CD48: variants seen among roughly 807,000 people sequenced by gnomAD.
The protein encoded by CD48 is CD48 molecule.
Under a neutral mutation model 22.0 loss-of-function variants are expected in CD48, and 20 were observed. That is an observed-to-expected ratio of 0.91 (90% CI 0.64 to 1.32). The LOEUF (loss-of-function observed/expected upper bound fraction) is 1.32. Ranked by LOEUF, CD48 falls within the 40% of genes most tolerant of loss-of-function variation. CD48 has a pLI of 0.00. For synonymous variants in CD48, 110 were observed against 110.1 expected (o/e 1.00, Z 0.01); for missense variants, 307 against 286.5 (o/e 1.07, Z -0.52).
chr1:160,680,806 C>T (rs2102401672), intron 3 of CD48: 1 of 1,162,374 alleles, frequency 8.6e-7, no homozygotes, highest in African/African-American at 1.5e-5. Context: ...CCTTGGCTGA[C>T]TTCGGCTGTC....
At chr1:160,707,595 T>C (rs1662830785) in intron 1 of CD48, among the ~76,000 whole-genome samples, 1 of 152,154 alleles carries the variant, frequency 6.6e-6, no homozygotes, top group African/African-American at 2.4e-5. Context: ...TCCTGCCTAA[T>C]GGTCTCTAGT....
At chr1:160,705,662 A>G (rs1170264472) in intron 1 of CD48, among the ~76,000 whole-genome samples, 1 of 152,204 alleles carries the variant, frequency 6.6e-6, no homozygotes. Flanking sequence ...ATCACTAGAC[A>G]TATTCCAGAT....
chr1:160,684,581 A>G, intron 2 of CD48: 1 of 706,666 alleles, frequency 1.4e-6, no homozygotes, highest in Non-Finnish European at 2.3e-6. Flanking sequence ...AGATGAGCTG[A>G]GCTGATTTAG....
chr1:160,705,662 A>T (rs1170264472), intron 1 of CD48, among the ~76,000 whole-genome samples: 1 of 152,204 alleles, frequency 6.6e-6, no homozygotes, highest in Non-Finnish European at 1.5e-5. Context: ...ATCACTAGAC[A>T]TATTCCAGAT....
At chr1:160,702,451 C>T (rs1384001198) in intron 1 of CD48, among the ~76,000 whole-genome samples, 2 of 152,022 alleles carry the variant, frequency 1.3e-5, no homozygotes, top group Non-Finnish European at 2.9e-5. Flanking sequence ...TATTTGATGT[C>T]GGGTCCATCC....
intron 2 of CD48, among the ~76,000 whole-genome samples, chr1:160,682,706 C>G (rs1010877702): frequency 2.6e-5 from 4 of 152,164 alleles, no homozygotes; most frequent in Non-Finnish European, 5.9e-5. Context: ...TAAGATAAAA[C>G]GTCACCTGTC....
Position 160,681,156 on chromosome 1 carries a change from C to T in CD48, c.652+46G>A, listed in dbSNP as rs773539379. 5.0e-6 allele frequency: 8 copies of T among 1,613,932 alleles called. No individual in the cohort carries two copies. The East Asian group carries it at 8.9e-5, about 18-fold the overall frequency. On this transcript the variant is annotated intron_variant, in intron 3 of 3. Coordinates refer to ENST00000368046, the MANE Select transcript of CD48 (RefSeq NM_001778.4). The stretch of plus-strand genomic sequence containing the variant: ...CCCAGCCTTTCTTTGTTCAAAACAA[C>T]TCCAGTTACCCTGTGCCCCCCTCAG...
intron 1 of CD48, among the ~76,000 whole-genome samples, chr1:160,704,687 G>A (rs1276334166): frequency 6.6e-6 from 1 of 151,938 alleles, no homozygotes; most frequent in East Asian, 1.9e-4. Context: ...TGTAGTATTT[G>A]TATTTTTTTA....
In CD48 at chr1:160,681,209, A is replaced by G. The variant is rs1024630242; in HGVS notation, c.645T>C (p.Cys215=). ...CCCAGGGATCCTTCTTACCCAGGGT[A>G]CAGGGTGGACTGAGGCAGACCGTGC... ...KNGTVCLSPP[C]TLARSFGVEW... Residue 215 remains cysteine, a synonymous_variant, in exon 3 of 4, where the codon TGT becomes TGC. Transcript: ENST00000368046. 5 of 1,613,990 alleles carry G rather than the reference A, an allele frequency of 3.1e-6. No homozygotes were observed. In the Admixed American group the frequency reaches 5.0e-5, roughly 16 times the overall value.
rs540524522 is a variant in CD48, at chr1:160,679,075, T to A, written c.709A>T (p.Ile237Phe). ...TCTCAGGTAAGTAACAGGCCAAGAA[T>A]GGTGGGCACCGTGACCACTAGCCAA... ...ASWLVVTVPT[I>F]LGLLLT Residue 237 changes from isoleucine to phenylalanine, a missense_variant, in exon 4 of 4, where the codon ATT becomes TTT. Transcript: ENST00000368046. The A allele has an allele frequency of 1.3e-4, 207 of 1,614,076 alleles. 1 individual carries two copies. In the South Asian group the frequency reaches 2.1e-3, roughly 16 times the overall value.
intron 2 of CD48, among the ~76,000 whole-genome samples, chr1:160,682,762 G>C (rs1661856959): frequency 1.3e-5 from 2 of 152,162 alleles, no homozygotes; most frequent in Admixed American, 6.5e-5. Flanking sequence ...ATACATTCTA[G>C]AGGCCATTTT....
chr1:160,687,706 A>T (rs1027176540), intron 1 of CD48, among the ~76,000 whole-genome samples: 1 of 152,146 alleles, frequency 6.6e-6, no homozygotes, highest in African/African-American at 2.4e-5. Context: ...GGATTCTTTG[A>T]GTGGTCTGGG....
chr1:160,697,018 G>A (rs2102424164), intron 1 of CD48, among the ~76,000 whole-genome samples: 1 of 151,994 alleles, frequency 6.6e-6, no homozygotes, highest in Non-Finnish European at 1.5e-5. Context: ...ACAGTAAGGA[G>A]TGTACCACTC....
Position 160,685,102 on chromosome 1 carries a change from G to A in CD48, c.170C>T (p.Thr57Ile), listed in dbSNP as rs747011159. The change falls in exon 2 of 4, where the codon ACC becomes ATC. Residue 57 changes from threonine (T) to isoleucine (I), a missense_variant. Thr to Ile is a moderately conservative substitution (Grantham distance 89, BLOSUM62 -1). Transcript: ENST00000368046. The stretch of plus-strand genomic sequence containing the variant: ...CTTCTGGTCGAAAGTATAAAACCAG[G>A]TTAGTTGTTTGTAGTTCTCAGGCAG... ...ESLPENYKQL[T>I]WFYTFDQKIV... is the part of the protein sequence containing the mutation. The A allele has an allele frequency of 4.3e-6, 7 of 1,613,926 alleles. No homozygotes were observed. Among genetic ancestry groups the A allele is most frequent in the Non-Finnish European group, 5.9e-6 (7 of 1,179,930 alleles).
chr1:160,685,299 T>C, intron 1 of CD48, 110 bp from the exon 2 acceptor site: 1 of 768,504 alleles, frequency 1.3e-6, no homozygotes, highest in Non-Finnish European at 2.1e-6. Flanking sequence ...GATTTCTGCT[T>C]AGGAGCAGTG....
chr1:160,702,276 T>C (rs1662654302), intron 1 of CD48, among the ~76,000 whole-genome samples: 1 of 152,022 alleles, frequency 6.6e-6, no homozygotes, highest in African/African-American at 2.4e-5. Context: ...ACTAAAGAGA[T>C]CAACCACCCC....
chr1:160,700,175 C>T (rs562685586), intron 1 of CD48, among the ~76,000 whole-genome samples: 1 of 152,158 alleles, frequency 6.6e-6, no homozygotes, highest in Admixed American at 6.5e-5. Flanking sequence ...AACACTGTAA[C>T]GGCCTCAGGA....
At chr1:160,703,005 G>A (rs142513128) in intron 1 of CD48, among the ~76,000 whole-genome samples, 5 of 152,294 alleles carry the variant, frequency 3.3e-5, no homozygotes, top group Non-Finnish European at 5.9e-5. Flanking sequence ...AGGAACAGGA[G>A]CTTGGCCTGG....
intron 1 of CD48, among the ~76,000 whole-genome samples, chr1:160,703,714 G>C (rs908368864): frequency 6.6e-6 from 1 of 152,174 alleles, no homozygotes; most frequent in African/African-American, 2.4e-5. Flanking sequence ...CACAAGTACT[G>C]GTAGGGGCAA....
Sources: gnomAD v4.1 joint callset for allele counts (sites outside exome capture counted in the v4.1 genomes callset) on GRCh38, gnomAD v4.1.1 for gene constraint, MANE v1.5 for transcripts, NCBI Gene and HGNC (gene_info 2026-07-23, HGNC 2026-07-21) for gene names.